Variants in PIK3R1 observed in about 807,000 individuals in gnomAD.
The protein encoded by PIK3R1 is phosphoinositide-3-kinase regulatory subunit 1, also known as phosphatidylinositol 3-kinase regulatory subunit alpha.
In PIK3R1, 29 loss-of-function variants were observed where a neutral mutation model predicts 98.0. The ratio of observed to expected loss-of-function variants is 0.30; its 90% CI spans 0.22 to 0.40. The LOEUF (loss-of-function observed/expected upper bound fraction) is 0.40. Among genes scored for constraint, PIK3R1 ranks in the 10% least tolerant of loss-of-function variants. PIK3R1 has a pLI of 1.00. For missense variants in PIK3R1, 596 were observed against 872.7 expected (o/e 0.68, Z 3.99); for synonymous variants, 282 against 311.8 (o/e 0.90, Z 1.01).
intron 2 of PIK3R1, among the ~76,000 whole-genome samples, chr5:68,232,918 A>G (rs1007974434): frequency 6.6e-6 from 1 of 152,214 alleles, no homozygotes; most frequent in African/African-American, 2.4e-5. Context: ...TTGATATTCT[A>G]ATACAATTTT....
intron 1 of PIK3R1, among the ~76,000 whole-genome samples, chr5:68,224,062 C>G (rs113487979): frequency 0.014 from 2,072 of 152,190 alleles, 25 homozygotes; most frequent in Non-Finnish European, 0.02. Context: ...TTTTTTCCCC[C>G]CTAAAAGACA....
intron 2 of PIK3R1, among the ~76,000 whole-genome samples, chr5:68,255,934 C>T (rs1745498643): frequency 6.6e-6 from 1 of 152,216 alleles, no homozygotes; most frequent in South Asian, 2.1e-4. Flanking sequence ...GGCTTGGTAA[C>T]TGACTGCCTT....
At chr5:68,236,534 C>T (rs770735415) in intron 2 of PIK3R1, among the ~76,000 whole-genome samples, 3 of 152,180 alleles carry the variant, frequency 2.0e-5, no homozygotes, top group Non-Finnish European at 4.4e-5. Context: ...CAGGCATGAG[C>T]CACCACGCCT....
intron 2 of PIK3R1, among the ~76,000 whole-genome samples, chr5:68,227,986 GC>G (rs1744344242): frequency 6.6e-6 from 1 of 152,186 alleles, no homozygotes; most frequent in Non-Finnish European, 1.5e-5. Context: ...CTTATGCTCA[GC>G]TTTGCTGTTA....
chr5:68,298,235 A>G lies in PIK3R1; in HGVS notation c.*634A>G, dbSNP rs1357550071. ...GTGCCAGAAAGTGTTTAACTTGTCA[A>G]AAAACAAAAACCCAGCAACAGAAAA... On this transcript the variant is annotated 3_prime_UTR_variant, in exon 16 of 16. Transcript: ENST00000521381. The G allele has an allele frequency of 4.3e-6, 1 of 232,972 alleles. No individual in the cohort carries two copies. Among genetic ancestry groups the G allele is most frequent in the Non-Finnish European group, 8.5e-6 (1 of 117,676 alleles). The allele number at this position is 232,972 out of a possible 1,614,324, so 14.4% of individuals were successfully genotyped here. A position where few individuals can be genotyped will look rare whatever the true frequency, so the allele number is the denominator to read the frequency against.
chr5:68,236,139 G>A (rs575557814), intron 2 of PIK3R1, among the ~76,000 whole-genome samples: 3 of 151,924 alleles, frequency 2.0e-5, no homozygotes, highest in South Asian at 4.1e-4. Flanking sequence ...CTAAACTGGT[G>A]GGATTACCAG....
At chr5:68,250,590 A>T (rs1245364694) in intron 2 of PIK3R1, among the ~76,000 whole-genome samples, 1 of 152,226 alleles carries the variant, frequency 6.6e-6, no homozygotes, top group Non-Finnish European at 1.5e-5. Context: ...GTAGTCATGC[A>T]AAATCACTTG....
chr5:68,261,265 A>C (rs561473634), intron 2 of PIK3R1, among the ~76,000 whole-genome samples: 60 of 152,342 alleles, frequency 3.9e-4, no homozygotes, highest in African/African-American at 1.4e-3. Context: ...GAATTTAAGC[A>C]CTAGAAATGA....
intron 2 of PIK3R1, among the ~76,000 whole-genome samples, chr5:68,246,431 GC>G (rs1030861230): frequency 6.6e-6 from 1 of 151,380 alleles, no homozygotes; most frequent in Non-Finnish European, 1.5e-5. Context: ...TCCTGCCTTA[GC>G]CCCCCAGGTA....
chr5:68,220,623 C>T (rs1016775084), intron 1 of PIK3R1, among the ~76,000 whole-genome samples: 16 of 152,182 alleles, frequency 1.1e-4, no homozygotes, highest in African/African-American at 3.6e-4. Context: ...GCTACCTGTT[C>T]TCCTCTCCCT....
At chr5:68,270,739 CTACCTT>C (rs1279300877) in intron 2 of PIK3R1, among the ~76,000 whole-genome samples, 2 of 152,102 alleles carry the variant, frequency 1.3e-5, no homozygotes, top group Non-Finnish European at 2.9e-5. Context: ...CATCATTTCT[CTACCTT>C]TATATTTCCC....
chr5:68,243,617 T>C (rs1744951120), intron 2 of PIK3R1, among the ~76,000 whole-genome samples: 1 of 152,242 alleles, frequency 6.6e-6, no homozygotes, highest in African/African-American at 2.4e-5. Context: ...AACAAGTTTA[T>C]CCGTTGCCAC....
chr5:68,216,434 C>A (rs376922403), intron 1 of PIK3R1, among the ~76,000 whole-genome samples: 1 of 152,160 alleles, frequency 6.6e-6, no homozygotes, highest in Non-Finnish European at 1.5e-5. Flanking sequence ...GGTCGCTGCC[C>A]GGGCCCTTCC....
intron 2 of PIK3R1, among the ~76,000 whole-genome samples, chr5:68,262,472 G>GTACATATATATCTATATGTA (rs1561277670): frequency 2.2e-5 from 3 of 139,236 alleles, no homozygotes; most frequent in African/African-American, 5.3e-5. Flanking sequence ...ATCTATATAT[G>GTACATATATATCTATATGTA]TACATATATA....
chr5:68,298,001 A>AGG lies in PIK3R1; in HGVS notation c.*401_*402dup. On this transcript the variant is annotated 3_prime_UTR_variant, in exon 16 of 16. Coordinates refer to ENST00000521381, the MANE Select transcript of PIK3R1 (RefSeq NM_181523.3). Reference sequence around the variant, plus strand: ...GGACTCTGGAGAGCGGAGGAGAGAGAGGCAGAAGAACCCTGGCCTGAGAAG... The same window carrying AGG: ...GGACTCTGGAGAGCGGAGGAGAGAGAGGGGCAGAAGAACCCTGGCCTGAGAAG... 4.2e-6 allele frequency: 1 copy of AGG among 236,362 alleles called. No individual in the cohort carries two copies. The highest frequency in any genetic ancestry group is 8.3e-6 in the Non-Finnish European group (1 of 120,206). 14.6% of individuals were successfully genotyped at this position (236,362 alleles called of 1,614,324 possible).
intron 11 of PIK3R1, 91 bp downstream of exon 11, chr5:68,293,925 T>C (rs1747544346): frequency 1.0e-6 from 1 of 1,003,572 alleles, no homozygotes; most frequent in Admixed American, 2.6e-5. Flanking sequence ...GTTGAGTTTT[T>C]ACGAATGAGG....
intron 7 of PIK3R1, among the ~76,000 whole-genome samples, chr5:68,283,089 A>G (rs1192293922): frequency 6.6e-6 from 1 of 152,260 alleles, no homozygotes; most frequent in African/African-American, 2.4e-5. Flanking sequence ...TAAAAAATGC[A>G]ATAATTTCTT....
chr5:68,218,128 C>T (rs550468310), intron 1 of PIK3R1, among the ~76,000 whole-genome samples: 101 of 152,054 alleles, frequency 6.6e-4, no homozygotes, highest in Middle Eastern at 6.8e-3. Context: ...ATATACTAAG[C>T]GCAGGAAATC....
intron 7 of PIK3R1, among the ~76,000 whole-genome samples, chr5:68,285,164 ATAT>A (rs1747027619): frequency 6.6e-6 from 1 of 152,238 alleles, no homozygotes; most frequent in Non-Finnish European, 1.5e-5. Flanking sequence ...ATATTCAGAA[ATAT>A]TAATGTAATA....
Sources: allele counts gnomAD v4.1 joint callset (sites outside exome capture counted in the v4.1 genomes callset), GRCh38; gene constraint gnomAD v4.1.1; transcripts MANE v1.5; gene names NCBI Gene and HGNC (gene_info 2026-07-23, HGNC 2026-07-21).